The following THSD7B variants were observed in gnomAD, a reference collection of about 807,000 sequenced individuals.
THSD7B encodes thrombospondin type 1 domain containing 7B.
A neutral mutation model predicts 213.6 loss-of-function variants in THSD7B; 138 were observed. That is an observed-to-expected ratio of 0.65 (90% CI 0.56 to 0.74). The LOEUF (loss-of-function observed/expected upper bound fraction) is 0.74. Among genes scored for constraint, THSD7B ranks in the 30% least tolerant of loss-of-function variants. The pLI is 0.00. For missense variants in THSD7B, 1,931 were observed against 1,991.5 expected, an observed-to-expected ratio of 0.97 and a Z score of 0.58; for synonymous variants, 742 against 687.0, an observed-to-expected ratio of 1.08 and a Z score of -1.25.
At chr2:137,460,246 A>G (rs148590105) in intron 15 of THSD7B, among the ~76,000 whole-genome samples, 40 of 152,232 alleles carry the variant, frequency 2.6e-4, no homozygotes, top group South Asian at 1.7e-3. Context: ...CCATTTCATA[A>G]TCTGGTCAAT....
chr2:137,306,588 G>A (rs1252973099), intron 12 of THSD7B, among the ~76,000 whole-genome samples: 1 of 151,876 alleles, frequency 6.6e-6, no homozygotes, highest in Non-Finnish European at 1.5e-5. Context: ...TATACCTAAT[G>A]GGCATAATTT....
chr2:137,127,139 G>A (rs1688643990), intron 5 of THSD7B, among the ~76,000 whole-genome samples: 2 of 152,216 alleles, frequency 1.3e-5, no homozygotes, highest in Admixed American at 6.5e-5. Flanking sequence ...GCGGGCACAT[G>A]CTGTTTGAAA....
chr2:137,218,279 G>A (rs954058561), intron 7 of THSD7B, among the ~76,000 whole-genome samples: 4 of 152,078 alleles, frequency 2.6e-5, no homozygotes, highest in African/African-American at 7.2e-5. Context: ...TGACTTAAAT[G>A]TCACTATTAT....
intron 12 of THSD7B, among the ~76,000 whole-genome samples, chr2:137,384,592 C>A (rs78509074): frequency 0.031 from 4,794 of 152,198 alleles, 276 homozygotes; most frequent in African/African-American, 0.11. Context: ...GAGGTGGAGG[C>A]AGGGTCTGTT....
At chr2:137,218,778 G>T (rs574799275) in intron 7 of THSD7B, among the ~76,000 whole-genome samples, 1 of 152,060 alleles carries the variant, frequency 6.6e-6, no homozygotes, top group East Asian at 1.9e-4. Context: ...CTGTTTTTCT[G>T]ATTGTTATCT....
Position 136,960,864 on chromosome 2 carries a change from C to T in THSD7B, c.139+78547C>T, listed in dbSNP as rs572997336. Among the ~76,000 whole-genome samples, 114 of 151,456 alleles carry T rather than the reference C, an allele frequency of 7.5e-4. 1 individual carries two copies. The highest frequency in any genetic ancestry group is 1.3e-3 in the Non-Finnish European group (90 of 67,896). The stretch of plus-strand genomic sequence containing the variant: ...CAGCTCTTAGGGAGGCCGAGGTGGG[C>T]GGATCGCAAGGTCAGGAGATCAAGA... On this transcript the variant is annotated intron_variant, in intron 2 of 27. Transcript: ENST00000409968.
intron 2 of THSD7B, among the ~76,000 whole-genome samples, chr2:137,009,134 A>G (rs1341196991): frequency 6.6e-6 from 1 of 152,204 alleles, no homozygotes. Flanking sequence ...ACTGAGTGTC[A>G]GAGAGTGAGG....
chr2:137,619,273 C>T lies in THSD7B; in HGVS notation c.3681+766C>T, dbSNP rs1000292249. Among the ~76,000 whole-genome samples the T allele has an allele frequency of 5.3e-5, 8 of 152,268 alleles. No individual in the cohort carries two copies. In the East Asian group the frequency reaches 5.8e-4, roughly 11 times the overall value. On this transcript the variant is annotated intron_variant, in intron 19 of 27. Coordinates refer to ENST00000409968, the MANE Select transcript of THSD7B (RefSeq NM_001316349.2). ...CACATTTCCCCAGAAACTTCTTTAA[C>T]GAACTTGCAGAATGAAAATTGGTGG...
At chr2:137,274,810 A>T (rs1178014682) in intron 11 of THSD7B, among the ~76,000 whole-genome samples, 1 of 152,122 alleles carries the variant, frequency 6.6e-6, no homozygotes, top group African/African-American at 2.4e-5. Flanking sequence ...CTATGCATGT[A>T]TAAAGTAAAT....
intron 17 of THSD7B, among the ~76,000 whole-genome samples, chr2:137,584,708 G>C (rs7368906): frequency 0.5 from 76,474 of 151,998 alleles, 20,429 homozygotes; most frequent in African/African-American, 0.69. Context: ...GGTGGATAAG[G>C]TTTTTGATGT....
At chr2:136,774,255 TCTCATC>T (rs1353501919) in intron 1 of THSD7B, among the ~76,000 whole-genome samples, 3 of 152,114 alleles carry the variant, frequency 2.0e-5, no homozygotes, top group Non-Finnish European at 2.9e-5. Context: ...AATGCATATT[TCTCATC>T]CCTCTTTTAC....
intron 1 of THSD7B, among the ~76,000 whole-genome samples, chr2:136,873,130 A>G (rs1683467686): frequency 6.6e-6 from 1 of 151,652 alleles, no homozygotes; most frequent in Non-Finnish European, 1.5e-5. Flanking sequence ...ACCTATTTCA[A>G]TCCCTCTTTT....
chr2:137,064,509 T>C (rs188040993), intron 3 of THSD7B, among the ~76,000 whole-genome samples: 5 of 152,208 alleles, frequency 3.3e-5, no homozygotes, highest in Admixed American at 6.6e-5. Flanking sequence ...CTTTTTAACT[T>C]GATGTGATAT....
chr2:137,654,995 T>C (rs1407331258), intron 21 of THSD7B, among the ~76,000 whole-genome samples: 1 of 152,160 alleles, frequency 6.6e-6, no homozygotes, highest in East Asian at 1.9e-4. Flanking sequence ...TCAAAGAACA[T>C]TATTCAGCAT....
At chr2:137,054,259 G>A (rs10496766) in intron 2 of THSD7B, among the ~76,000 whole-genome samples, 12,683 of 152,198 alleles carry the variant, frequency 0.083, 758 homozygotes, top group African/African-American at 0.16. Flanking sequence ...GGGCATTTTG[G>A]TAATGAAAGC....
At chr2:136,998,490 C>T (rs1394535270) in intron 2 of THSD7B, among the ~76,000 whole-genome samples, 3 of 152,100 alleles carry the variant, frequency 2.0e-5, no homozygotes, top group Non-Finnish European at 4.4e-5. Context: ...GGGGTGGGCA[C>T]TCCTAATGGC....
Position 136,806,982 on chromosome 2 carries a change from G to C in THSD7B, c.-36+41295G>C, listed in dbSNP as rs1359205029. Among the ~76,000 whole-genome samples, 20 of 152,128 alleles carry C rather than the reference G, an allele frequency of 1.3e-4. 1 individual carries two copies. Among genetic ancestry groups the C allele is most frequent in the Admixed American group, 1.2e-3 (18 of 15,270 alleles). On this transcript the variant is annotated intron_variant, in intron 1 of 27. Coordinates refer to ENST00000409968, the MANE Select transcript of THSD7B (RefSeq NM_001316349.2). Reference sequence around the variant, plus strand: ...TCTCATGATTAGACTGGGGTTTTTGGGGGGAAGACCACTGAGGTGAAGTGC... The same window carrying C: ...TCTCATGATTAGACTGGGGTTTTTGCGGGGAAGACCACTGAGGTGAAGTGC...
chr2:136,993,081 A>G (rs1685817769), intron 2 of THSD7B, among the ~76,000 whole-genome samples: 1 of 152,244 alleles, frequency 6.6e-6, no homozygotes, highest in Non-Finnish European at 1.5e-5. Context: ...AGGGAAACAA[A>G]GCCACCTGAA....
chr2:137,674,090 C>T (rs1431635947), intron 27 of THSD7B, among the ~76,000 whole-genome samples: 10 of 152,146 alleles, frequency 6.6e-5, no homozygotes, highest in African/African-American at 1.9e-4. Context: ...GCCAAGTTGA[C>T]GTGTCTCCCA....
Sources: gnomAD v4.1 joint callset for allele counts (sites outside exome capture counted in the v4.1 genomes callset) on GRCh38, gnomAD v4.1.1 for gene constraint, MANE v1.5 for transcripts, NCBI Gene and HGNC (gene_info 2026-07-23, HGNC 2026-07-21) for gene names.